The following MCTP1 variants were observed in gnomAD, a reference collection of about 807,000 sequenced individuals.
MCTP1 encodes the protein multiple C2 and transmembrane domain-containing protein 1.
Under a neutral mutation model 120.6 loss-of-function variants are expected in MCTP1, and 69 were observed. The ratio of observed to expected loss-of-function variants is 0.57; its 90% CI spans 0.47 to 0.70. The LOEUF (loss-of-function observed/expected upper bound fraction) is 0.70, where lower values mean the gene tolerates loss of function less well. Ranked by LOEUF, MCTP1 falls within the 30% of genes least tolerant of loss-of-function variation. The pLI, the probability that MCTP1 is intolerant of heterozygous loss-of-function variation, is 0.00. For synonymous variants in MCTP1, 529 were observed against 493.1 expected (o/e 1.07, Z -0.96); for missense variants, 1,203 against 1,248.8 (o/e 0.96, Z 0.55).
rs146977032 is a variant in MCTP1, at chr5:95,245,714, G to A, written c.720+38142C>T. ...CAAATCTACATTTGATTGGTGTACC[G>A]GAAAGTGACAGGGAGAATGGAACCA... is the stretch of plus-strand genomic sequence containing the variant. On this transcript the variant is annotated intron_variant, in intron 1 of 22. Transcript: ENST00000515393. Among the ~76,000 whole-genome samples the A allele has an allele frequency of 1.6e-3, 246 of 152,190 alleles. 1 individual carries two copies. Among genetic ancestry groups the A allele is most frequent in the Non-Finnish European group, 2.4e-3 (162 of 67,998 alleles).
At chr5:94,984,653 G>A (rs190125756) in intron 2 of MCTP1, among the ~76,000 whole-genome samples, 1,598 of 152,038 alleles carry the variant, frequency 0.011, 18 homozygotes, top group Non-Finnish European at 0.017. Context: ...GTAAAACAAT[G>A]GACACATGAC....
At chr5:95,183,208 C>G (rs1481733079) in intron 1 of MCTP1, among the ~76,000 whole-genome samples, 1 of 151,804 alleles carries the variant, frequency 6.6e-6, no homozygotes, top group Non-Finnish European at 1.5e-5. Context: ...ATAGTGGTCT[C>G]AAAAAATTAT....
At chr5:95,264,785 G>A (rs1052566748) in intron 1 of MCTP1, among the ~76,000 whole-genome samples, 8 of 152,208 alleles carry the variant, frequency 5.3e-5, no homozygotes, top group Non-Finnish European at 1.2e-4. Flanking sequence ...ACAGCTGTGA[G>A]GAGGATGTGT....
chr5:94,822,064 T>C (rs1785786924), intron 17 of MCTP1, among the ~76,000 whole-genome samples: 1 of 152,150 alleles, frequency 6.6e-6, no homozygotes, highest in Admixed American at 6.6e-5. Flanking sequence ...ATCTGTTAAT[T>C]AATTTATTTA....
At position 95,025,261 on chromosome 5, in the gene MCTP1, T is replaced by G. The variant is rs536571621; in HGVS notation, c.721-7777A>C. ...TAAAACAAAGAGCCCAGAAATAAAC[T>G]GATACATTTATGATCAATTGAGTTT... is the stretch of plus-strand genomic sequence containing the variant. On this transcript the variant is annotated intron_variant, in intron 1 of 22. Coordinates refer to ENST00000515393, the MANE Select transcript of MCTP1 (RefSeq NM_024717.7). Among the ~76,000 whole-genome samples the G allele has an allele frequency of 1.4e-4, 21 of 152,224 alleles. No homozygotes were observed. In the South Asian group the frequency reaches 4.4e-3, roughly 32 times the overall value.
In MCTP1 at chr5:95,284,245, C is replaced by T. The variant is rs773195287; in HGVS notation, c.331G>A (p.Gly111Ser). The T allele has an allele frequency of 5.7e-6, 9 of 1,587,322 alleles. No homozygotes were observed. The African/African-American group carries it at 1.1e-4, about 19-fold the overall frequency. Residue 111 changes from glycine (G) to serine (S), a missense_variant, in exon 1 of 23, where the codon GGC becomes AGC. Gly to Ser is a moderately conservative substitution (Grantham distance 56, BLOSUM62 0). Coordinates refer to ENST00000515393, the MANE Select transcript of MCTP1 (RefSeq NM_024717.7). The surrounding 1 kb of genome is among the most constrained non-coding windows in gnomAD (Gnocchi z 5.2). ...CSSPEPLEPG[G>S]AGRAEQGSTL... ...GACCCCTGCTCGGCTCTGCCGGCGC[C>T]GCCGGGCTCCAGGGGCTCCGGCGAC...
chr5:94,885,085 C>G (rs1322740129), intron 12 of MCTP1, among the ~76,000 whole-genome samples: 1 of 152,034 alleles, frequency 6.6e-6, no homozygotes, highest in African/African-American at 2.4e-5. Context: ...CCCCCTTTTT[C>G]TCTTCCTCTC....
chr5:94,883,552 C>T (rs912219319), intron 12 of MCTP1, among the ~76,000 whole-genome samples: 3 of 152,032 alleles, frequency 2.0e-5, no homozygotes, highest in Non-Finnish European at 4.4e-5. Flanking sequence ...GATAATATAC[C>T]AAGATGAAGG....
At chr5:95,038,724 T>C (rs1440259915) in intron 1 of MCTP1, among the ~76,000 whole-genome samples, 2 of 152,226 alleles carry the variant, frequency 1.3e-5, no homozygotes, top group African/African-American at 4.8e-5. Flanking sequence ...TTATGCAGTG[T>C]TTACGTTTAA....
At chr5:94,979,237 T>C (rs1828854222) in intron 2 of MCTP1, 1 of 152,124 alleles carries the variant, frequency 6.6e-6, no homozygotes, top group Non-Finnish European at 1.5e-5. Flanking sequence ...TCAGAATTTA[T>C]ACTGACAAGT....
chr5:95,215,306 C>G (rs1346148520), intron 1 of MCTP1, among the ~76,000 whole-genome samples: 1 of 152,100 alleles, frequency 6.6e-6, no homozygotes, highest in African/African-American at 2.4e-5. Context: ...AATGGAAATA[C>G]AGAAATATGA....
At chr5:95,157,880 G>A (rs1303292661) in intron 1 of MCTP1, among the ~76,000 whole-genome samples, 1 of 151,966 alleles carries the variant, frequency 6.6e-6, no homozygotes, top group Non-Finnish European at 1.5e-5. Context: ...TTCCCATTAC[G>A]CCGGCAATGT....
intron 1 of MCTP1, among the ~76,000 whole-genome samples, chr5:95,235,659 T>G (rs1000900232): frequency 6.6e-6 from 1 of 152,200 alleles, no homozygotes; most frequent in Non-Finnish European, 1.5e-5. Context: ...AAAATGTAAC[T>G]GTATCACATT....
At chr5:95,235,276 T>G (rs1166759504) in intron 1 of MCTP1, among the ~76,000 whole-genome samples, 1 of 151,766 alleles carries the variant, frequency 6.6e-6, no homozygotes, top group Admixed American at 6.5e-5. Context: ...TTATTCCTGA[T>G]AAAAACTCTC....
At chr5:95,201,147 C>A (rs1750964585) in intron 1 of MCTP1, among the ~76,000 whole-genome samples, 1 of 152,184 alleles carries the variant, frequency 6.6e-6, no homozygotes, top group Non-Finnish European at 1.5e-5. Context: ...GCACACCAAA[C>A]TTTAGGACTG....
chr5:95,054,883 C>G (rs1359956650), intron 1 of MCTP1, among the ~76,000 whole-genome samples: 1 of 152,166 alleles, frequency 6.6e-6, no homozygotes, highest in Non-Finnish European at 1.5e-5. Context: ...TCTCAGCTCA[C>G]TGCAACCTCC....
intron 1 of MCTP1, among the ~76,000 whole-genome samples, chr5:95,265,563 GAGA>G (rs1339109695): frequency 2.0e-5 from 3 of 152,160 alleles, no homozygotes; most frequent in Non-Finnish European, 4.4e-5. Context: ...TGAAATCAAT[GAGA>G]AGAAGTGAAC....
intron 1 of MCTP1, among the ~76,000 whole-genome samples, chr5:95,088,400 A>G (rs1419716975): frequency 2.6e-5 from 4 of 152,256 alleles, no homozygotes; most frequent in African/African-American, 9.6e-5. Flanking sequence ...AAGGGCAGAG[A>G]ACTCACAGCA....
intron 1 of MCTP1, among the ~76,000 whole-genome samples, chr5:95,062,543 G>T (rs137972322): frequency 1.0e-3 from 155 of 152,256 alleles, no homozygotes; most frequent in Non-Finnish European, 1.0e-3. Context: ...AGCACAATAA[G>T]ATTAAGAGGA....
Sources: allele counts gnomAD v4.1 joint callset (sites outside exome capture counted in the v4.1 genomes callset), GRCh38; gene constraint gnomAD v4.1.1; non-coding constraint Gnocchi (gnomAD v3.1); transcripts MANE v1.5; gene names NCBI Gene and HGNC (gene_info 2026-07-23, HGNC 2026-07-21).